Variants in ARSG observed in about 807,000 individuals in gnomAD.
The protein encoded by ARSG is ASG.
In ARSG, 37 loss-of-function variants were observed where a neutral mutation model predicts 50.5. That is an observed-to-expected ratio of 0.73 (90% confidence interval 0.56 to 0.96). ARSG has a LOEUF of 0.96. ARSG is among the 50% of genes least tolerant of loss of function. ARSG has a pLI of 0.00. For synonymous variants in ARSG, 225 were observed against 254.6 expected (o/e 0.88, Z 1.11); for missense variants, 629 against 675.3 (o/e 0.93, Z 0.76).
At chr17:68,308,389 G>A (rs1555765231) in intron 2 of ARSG, among the ~76,000 whole-genome samples, 2 of 152,100 alleles carry the variant, frequency 1.3e-5, no homozygotes, top group African/African-American at 2.4e-5. Context: ...ACTGGCTCAG[G>A]AGTGAAGCTG....
chr17:68,410,231 C>T (rs1388349270), intron 11 of ARSG, among the ~76,000 whole-genome samples: 66 of 106,914 alleles, frequency 6.2e-4, no homozygotes, highest in East Asian at 1.2e-3. Context: ...CCAGTTTTTG[C>T]CCATTCAGTA....
At chr17:68,348,685 G>A (rs1272298713) in intron 4 of ARSG, among the ~76,000 whole-genome samples, 4 of 152,104 alleles carry the variant, frequency 2.6e-5, no homozygotes, top group Non-Finnish European at 5.9e-5. Context: ...AGCCTCCCAA[G>A]TAGCTGGGAC....
At chr17:68,301,733 T>G (rs2076425358) in intron 1 of ARSG, among the ~76,000 whole-genome samples, 1 of 148,818 alleles carries the variant, frequency 6.7e-6, no homozygotes, top group Non-Finnish European at 1.5e-5. Flanking sequence ...TCTCTGACTC[T>G]AATCCCTGCC....
chr17:68,309,052 C>T (rs2076732449), intron 2 of ARSG, among the ~76,000 whole-genome samples: 2 of 152,364 alleles, frequency 1.3e-5, no homozygotes, highest in Middle Eastern at 3.4e-3. Context: ...CGAGCCCTGC[C>T]CCACAGGAAG....
downstream of ARSG, among the ~76,000 whole-genome samples, chr17:68,425,736 A>G (rs534476251): frequency 1.8e-4 from 28 of 152,216 alleles, no homozygotes; most frequent in African/African-American, 6.7e-4. Context: ...TAAGTTTTAG[A>G]CAAGTCACGT....
rs1457158045 is a variant in ARSG at position 68,378,230 on chromosome 17, G to C, written c.983-6834G>C. On this transcript the variant is annotated intron_variant, in intron 8 of 11. Transcript: ENST00000621439. The surrounding 1 kb of genome is among the most constrained non-coding windows in gnomAD (Gnocchi z 4.4). Reference sequence around the variant, plus strand: ...TGTACAGGGGCCAGACTCAAGAGCAGATGAAAGAGAGAAGGCGGTCAATGT... The same window carrying C: ...TGTACAGGGGCCAGACTCAAGAGCACATGAAAGAGAGAAGGCGGTCAATGT... 6.6e-6 allele frequency among the ~76,000 whole-genome samples: 1 copy of C among 152,228 alleles called. No homozygotes were observed. The highest frequency in any genetic ancestry group is 2.4e-5 in the African/African-American group (1 of 41,454).
At chr17:68,434,473 CTG>C in the ARSG span, 4 of 1,459,626 alleles carry the variant, frequency 2.7e-6, no homozygotes, top group African/African-American at 5.6e-5. Flanking sequence ...GAGCCACTCT[CTG>C]TCCTCTCCCT....
At chr17:68,272,620 G>A (rs1555749324) in intron 1 of ARSG, 1 of 1,612,416 alleles carries the variant, frequency 6.2e-7, no homozygotes, top group South Asian at 1.1e-5. Flanking sequence ...TCATACTTAG[G>A]CTGTTGTAGT....
intron 2 of ARSG, among the ~76,000 whole-genome samples, chr17:68,313,687 T>TTTTTA (rs1555767532): frequency 6.7e-6 from 1 of 149,318 alleles, no homozygotes; most frequent in Non-Finnish European, 1.5e-5. Flanking sequence ...CTCTCTCTTT[T>TTTTTA]TTTTTTTTTT....
chr17:68,300,901 G>A (rs545912817), intron 1 of ARSG, among the ~76,000 whole-genome samples: 7 of 151,164 alleles, frequency 4.6e-5, no homozygotes, highest in Admixed American at 2.0e-4. Context: ...GGTAGATCAC[G>A]AAGTCAGGAG....
rs115856099 is a variant in ARSG at position 68,362,576 on chromosome 17, C to T, written c.704+5772C>T. 4.4e-3 allele frequency among the ~76,000 whole-genome samples: 670 copies of T among 152,160 alleles called. 6 individuals are homozygous for T. Among genetic ancestry groups the T allele is most frequent in the African/African-American group, 0.015 (622 of 41,512 alleles). On this transcript the variant is annotated intron_variant, in intron 6 of 11. Transcript: ENST00000621439. ...TTGTATTTCTCTTCCATCTCTCCTA[C>T]GGGCTGAGTATTCCGTATCTGGAAT...
At position 68,364,215 on chromosome 17, in the gene ARSG, T is replaced by A. The variant is rs62085869; in HGVS notation, c.705-4333T>A. 2.5e-3 allele frequency among the ~76,000 whole-genome samples: 377 copies of A among 152,280 alleles called. 1 individual carries two copies. Among genetic ancestry groups the A allele is most frequent in the Non-Finnish European group, 4.0e-3 (275 of 68,014 alleles). On this transcript the variant is annotated intron_variant, in intron 6 of 11. Coordinates refer to ENST00000621439, the MANE Select transcript of ARSG (RefSeq NM_001267727.2). ...TGGAATGTCCCCTCTGTCATCTTAC[T>A]TGTTTTTTTCCTTCTCTACTCACCA...
Position 68,307,627 on chromosome 17 carries a change from A to T in ARSG, c.134A>T (p.Asp45Val), listed in dbSNP as rs782108214. 12 of 1,613,542 alleles carry T rather than the reference A, an allele frequency of 7.4e-6. No homozygotes were observed. Among genetic ancestry groups the T allele is most frequent in the Non-Finnish European group, 1.0e-5 (12 of 1,179,478 alleles). ...AACTTTGTGATTATTTTGGCCGATG[A>T]CATGGGGTGGGGTGACCTGGGAGCA... ...KPNFVIILAD[D>V]MGWGDLGANW... Residue 45 changes from aspartate to valine, a missense_variant, in exon 2 of 12, where the codon GAC becomes GTC. Transcript: ENST00000621439.
At chr17:68,431,202 G>T in the ARSG span, among the ~76,000 whole-genome samples, 1 of 152,200 alleles carries the variant, frequency 6.6e-6, no homozygotes, top group Non-Finnish European at 1.5e-5. Context: ...ATGCGGTGCT[G>T]CACAGATGGT....
chr17:68,323,995 A>T (rs2145893806), intron 2 of ARSG, among the ~76,000 whole-genome samples: 1 of 147,952 alleles, frequency 6.8e-6, no homozygotes, highest in African/African-American at 2.5e-5. Context: ...ATTGCTTGAA[A>T]CTGGGAAGTG....
chr17:68,407,008 AGATTT>A (rs1338006979), intron 11 of ARSG, among the ~76,000 whole-genome samples: 1 of 152,232 alleles, frequency 6.6e-6, no homozygotes, highest in Non-Finnish European at 1.5e-5. Flanking sequence ...TTCAGGTCTT[AGATTT>A]AAGTTCTTAA....
chr17:68,304,304 G>C (rs1225732339), intron 1 of ARSG, among the ~76,000 whole-genome samples: 1 of 152,264 alleles, frequency 6.6e-6, no homozygotes, highest in Non-Finnish European at 1.5e-5. Flanking sequence ...TGAAAAGGGA[G>C]ATGCCTTTGG....
intron 1 of ARSG, among the ~76,000 whole-genome samples, chr17:68,273,464 T>C (rs2075409450): frequency 6.6e-6 from 1 of 152,086 alleles, no homozygotes. Context: ...CACGTGATCC[T>C]CCTGTCTCAG....
At position 68,392,585 on chromosome 17, in the gene ARSG, C is replaced by T. The variant is rs183237571; in HGVS notation, c.1092-2488C>T. On this transcript the variant is annotated intron_variant, in intron 9 of 11. Coordinates refer to ENST00000621439, the MANE Select transcript of ARSG (RefSeq NM_001267727.2). ...TGCAATCTCGGCTCACTGCAACCTC[C>T]ACCTCCCAGGTTCAAGCCATTCACC... Among the ~76,000 whole-genome samples the T allele has an allele frequency of 2.8e-3, 422 of 152,304 alleles. 3 individuals are homozygous for T. The highest frequency in any genetic ancestry group is 9.9e-3 in the African/African-American group (410 of 41,556).
Sources: gnomAD v4.1 joint callset for allele counts (sites outside exome capture counted in the v4.1 genomes callset) on GRCh38, gnomAD v4.1.1 for gene constraint, Gnocchi (gnomAD v3.1) non-coding constraint, MANE v1.5 for transcripts, NCBI Gene and HGNC (gene_info 2026-07-23, HGNC 2026-07-21) for gene names.